The following MAML3 variants were observed in gnomAD, a reference collection of about 807,000 sequenced individuals.
The protein encoded by MAML3 is mastermind-like protein 3.
A neutral mutation model predicts 101.9 loss-of-function variants in MAML3; 27 were observed. The observed-to-expected ratio is 0.27, with a 90% CI of 0.20 to 0.37. The LOEUF (loss-of-function observed/expected upper bound fraction) is 0.37. MAML3 is among the 10% of genes least tolerant of loss of function. The pLI is 1.00. For missense variants in MAML3, 1,316 were observed against 1,444.9 expected, an observed-to-expected ratio of 0.91 and a Z score of 1.45; for synonymous variants, 501 against 555.9, an observed-to-expected ratio of 0.90 and a Z score of 1.39.
At chr4:139,838,254 G>C (rs1016403192) in intron 2 of MAML3, among the ~76,000 whole-genome samples, 20 of 152,146 alleles carry the variant, frequency 1.3e-4, no homozygotes, top group African/African-American at 3.6e-4. Context: ...TGTGATATTA[G>C]CATGTAAGTG....
At chr4:139,896,674 C>G (rs553439479) in intron 1 of MAML3, among the ~76,000 whole-genome samples, 2 of 143,110 alleles carry the variant, frequency 1.4e-5, no homozygotes, top group African/African-American at 5.5e-5. Context: ...GAAAGACAGA[C>G]AGTGAAACTG....
At chr4:139,952,639 C>A (rs775042498) in intron 1 of MAML3, among the ~76,000 whole-genome samples, 1 of 152,194 alleles carries the variant, frequency 6.6e-6, no homozygotes, top group Non-Finnish European at 1.5e-5. Context: ...GATGTCTGCA[C>A]CCTTTCAGCT....
In MAML3 at chr4:139,847,816, G is replaced by C. The variant is rs548284103; in HGVS notation, c.2079+41541C>G. Among the ~76,000 whole-genome samples the C allele has an allele frequency of 8.5e-5, 13 of 152,316 alleles. No homozygotes were observed. In the South Asian group the frequency reaches 2.7e-3, roughly 32 times the overall value. On this transcript the variant is annotated intron_variant, in intron 2 of 4. Coordinates refer to ENST00000509479, the MANE Select transcript of MAML3 (RefSeq NM_018717.5). Reference sequence around the variant, plus strand: ...TTAATCTGGAGGGATGGATGACTGAGTGGCAAGCCTAGGTCACAAAGCACA... The same window carrying C: ...TTAATCTGGAGGGATGGATGACTGACTGGCAAGCCTAGGTCACAAAGCACA...
At chr4:139,991,448 C>A (rs1578632597) in intron 1 of MAML3, among the ~76,000 whole-genome samples, 1 of 152,102 alleles carries the variant, frequency 6.6e-6, no homozygotes, top group East Asian at 1.9e-4. Context: ...CCATAAAAAC[C>A]CTACAAGAAA....
chr4:140,067,103 T>G (rs1198906562), intron 1 of MAML3, among the ~76,000 whole-genome samples: 4 of 152,128 alleles, frequency 2.6e-5, no homozygotes, highest in Non-Finnish European at 5.9e-5. Context: ...CTGGAATATT[T>G]TCACTAGTCT....
At chr4:140,151,211 G>A (rs894623170) in intron 1 of MAML3, among the ~76,000 whole-genome samples, 9 of 152,084 alleles carry the variant, frequency 5.9e-5, no homozygotes, top group Admixed American at 2.0e-4. Context: ...AAGGGAGGAG[G>A]AAGGGGAGGG....
At chr4:139,967,162 C>A (rs1734148541) in intron 1 of MAML3, among the ~76,000 whole-genome samples, 1 of 152,014 alleles carries the variant, frequency 6.6e-6, no homozygotes, top group Admixed American at 6.6e-5. Context: ...AGGGTCACTT[C>A]ATAAATATTT....
At chr4:139,974,916 C>T (rs181556925) in intron 1 of MAML3, among the ~76,000 whole-genome samples, 74 of 151,642 alleles carry the variant, frequency 4.9e-4, no homozygotes, top group Middle Eastern at 3.4e-3. Flanking sequence ...GTGCAGAGGG[C>T]TTGTGCAGGG....
At chr4:139,902,531 TGAA>T (rs1682630011) in intron 1 of MAML3, among the ~76,000 whole-genome samples, 1 of 152,104 alleles carries the variant, frequency 6.6e-6, no homozygotes, top group African/African-American at 2.4e-5. Flanking sequence ...CCCCCATGGA[TGAA>T]GAAGATACCC....
chr4:139,896,491 A>G (rs76773410), intron 1 of MAML3, among the ~76,000 whole-genome samples: 266 of 152,282 alleles, frequency 1.7e-3, no homozygotes, highest in African/African-American at 6.2e-3. Flanking sequence ...AATGCCTATG[A>G]CAATATGGGC....
chr4:139,841,257 C>G (rs1731355609), intron 2 of MAML3, among the ~76,000 whole-genome samples: 1 of 152,176 alleles, frequency 6.6e-6, no homozygotes, highest in Non-Finnish European at 1.5e-5. Context: ...TCTCTGCAGA[C>G]CTTTTGGGCA....
chr4:139,890,371 C>G lies in MAML3; in HGVS notation c.1065G>C (p.Ala355=), dbSNP rs575007491. ...ATETPLSQES[A]SVKSDPSHSP... ...AGTGAGAGGGGTCGCTCTTCACGCT[C>G]GCACTCTCCTGGGAGAGAGGGGTCT... The change falls in exon 2 of 5, where the codon GCG becomes GCC. Residue 355 remains alanine, a synonymous_variant. Coordinates refer to ENST00000509479, the MANE Select transcript of MAML3 (RefSeq NM_018717.5). This position sits in a 1 kb window ranked among gnomAD's most constrained non-coding sequence, Gnocchi z 4.1. 6.2e-7 allele frequency: 1 copy of G among 1,603,086 alleles called. No individual in the cohort carries two copies. Among genetic ancestry groups the G allele is most frequent in the Non-Finnish European group, 8.5e-7 (1 of 1,173,256 alleles).
At position 139,883,045 on chromosome 4, in the gene MAML3, G is replaced by A. The variant is rs545880073; in HGVS notation, c.2079+6312C>T. On this transcript the variant is annotated intron_variant, in intron 2 of 4. Transcript: ENST00000509479. ...AGGGAATAATTCAAGAAAGAGGTGG[G>A]ATCGAGAAAACAGACGACGCAACAC... 6.6e-5 allele frequency among the ~76,000 whole-genome samples: 10 copies of A among 152,280 alleles called. 1 individual carries two copies. Among genetic ancestry groups the A allele is most frequent in the Non-Finnish European group, 1.3e-4 (9 of 68,028 alleles).
chr4:139,990,004 G>A (rs1054277670), intron 1 of MAML3, among the ~76,000 whole-genome samples: 2 of 151,896 alleles, frequency 1.3e-5, no homozygotes, highest in Non-Finnish European at 2.9e-5. Flanking sequence ...AAAAAAATCA[G>A]GACTGTAAGA....
intron 1 of MAML3, among the ~76,000 whole-genome samples, chr4:140,102,535 C>T (rs893685229): frequency 6.6e-6 from 1 of 152,146 alleles, no homozygotes; most frequent in African/African-American, 2.4e-5. Context: ...TGTCTCTTCC[C>T]CTTCTTAAAA....
chr4:139,991,745 G>C (rs1411169954), intron 1 of MAML3, among the ~76,000 whole-genome samples: 1 of 152,020 alleles, frequency 6.6e-6, no homozygotes, highest in Non-Finnish European at 1.5e-5. Flanking sequence ...GCTTTGGGAG[G>C]CTGAAGCAGG....
At chr4:140,030,926 G>A (rs532751653) in intron 1 of MAML3, among the ~76,000 whole-genome samples, 52 of 152,206 alleles carry the variant, frequency 3.4e-4, no homozygotes, top group Non-Finnish European at 6.6e-4. Context: ...AATTACAGAG[G>A]TTGGTAACAC....
At chr4:139,800,456 G>A (rs1730584375) in intron 2 of MAML3, among the ~76,000 whole-genome samples, 2 of 152,070 alleles carry the variant, frequency 1.3e-5, no homozygotes, top group Non-Finnish European at 2.9e-5. Context: ...TTGATGATGA[G>A]AATAAATGAA....
intron 1 of MAML3, among the ~76,000 whole-genome samples, chr4:139,968,318 A>G (rs1010076950): frequency 6.6e-6 from 1 of 151,714 alleles, no homozygotes; most frequent in African/African-American, 2.4e-5. Flanking sequence ...TTAAAAAAAA[A>G]AAAAAAAAGA....
Sources: gnomAD v4.1 joint callset for allele counts (sites outside exome capture counted in the v4.1 genomes callset) on GRCh38, gnomAD v4.1.1 for gene constraint, Gnocchi (gnomAD v3.1) non-coding constraint, MANE v1.5 for transcripts, NCBI Gene and HGNC (gene_info 2026-07-23, HGNC 2026-07-21) for gene names.